ANO4: variants seen among roughly 807,000 people sequenced by gnomAD.
ANO4 encodes the protein anoctamin 4.
A neutral mutation model predicts 141.9 loss-of-function variants in ANO4; 69 were observed. The ratio of observed to expected loss-of-function variants is 0.49; its 90% CI spans 0.40 to 0.59. ANO4 has a LOEUF of 0.59. ANO4 is among the 20% of genes least tolerant of loss of function. ANO4 has a pLI of 0.00. For synonymous variants in ANO4, 350 were observed against 394.3 expected, an observed-to-expected ratio of 0.89 and a Z score of 1.33; for missense variants, 894 against 1,162.2, an observed-to-expected ratio of 0.77 and a Z score of 3.36.
At chr12:100,729,320 C>T (rs2084466213) in intron 1 of ANO4, among the ~76,000 whole-genome samples, 1 of 129,044 alleles carries the variant, frequency 7.7e-6, no homozygotes, top group Non-Finnish European at 1.6e-5. Context: ...CACAATTGCA[C>T]TCCAGCCTGG....
intron 14 of ANO4, among the ~76,000 whole-genome samples, chr12:101,056,738 T>C (rs989055096): frequency 1.3e-5 from 2 of 151,812 alleles, no homozygotes; most frequent in African/African-American, 2.4e-5. Flanking sequence ...ATGTCTGTTA[T>C]CAAGTTGAAG....
At chr12:100,964,274 C>T (rs1462993410) in intron 5 of ANO4, among the ~76,000 whole-genome samples, 2 of 152,176 alleles carry the variant, frequency 1.3e-5, no homozygotes, top group African/African-American at 4.8e-5. Context: ...CTTGAGTAAA[C>T]TTAGCCAAGG....
intron 9 of ANO4, among the ~76,000 whole-genome samples, chr12:101,030,288 C>T (rs2046922862): frequency 6.6e-6 from 1 of 152,182 alleles, no homozygotes. Flanking sequence ...TCTCAGACTA[C>T]AGTGCAATCA....
At chr12:101,060,777 A>G (rs1217882220) in intron 14 of ANO4, among the ~76,000 whole-genome samples, 2 of 152,024 alleles carry the variant, frequency 1.3e-5, no homozygotes, top group African/African-American at 4.8e-5. Context: ...ATGTCTTTGC[A>G]TGGAGATGGA....
In ANO4 at chr12:101,096,628, A is replaced by G. The variant is rs750663409; in HGVS notation, c.1831A>G (p.Ile611Val). Residue 611 changes from isoleucine to valine, a missense_variant, in exon 19 of 28, where the codon ATC becomes GTC. This residue lies in a region of ANO4 where 637 missense variants were observed against 909.2 expected (regional missense o/e 0.70). Transcript: ENST00000392977. ...CAATCTGAACAGCTCCACATTTTACATCGCATTCTTCCTCGGAAGGTAAGA... is the reference window on the plus strand; with the variant it reads ...CAATCTGAACAGCTCCACATTTTACGTCGCATTCTTCCTCGGAAGGTAAGA... ...FVNLNSSTFY[I>V]AFFLGRFTGH... is the part of the protein sequence containing the mutation. The G allele has an allele frequency of 1.1e-5, 17 of 1,613,230 alleles. No homozygotes were observed. Among genetic ancestry groups the G allele is most frequent in the Non-Finnish European group, 1.3e-5 (15 of 1,179,486 alleles).
At chr12:101,007,989 C>T (rs2045940069) in intron 8 of ANO4, among the ~76,000 whole-genome samples, 4 of 152,168 alleles carry the variant, frequency 2.6e-5, no homozygotes, top group Admixed American at 2.6e-4. Context: ...AAAAGTCTAC[C>T]TTCAAGCTGG....
At chr12:100,970,907 C>T (rs1460877670) in intron 5 of ANO4, among the ~76,000 whole-genome samples, 1 of 151,994 alleles carries the variant, frequency 6.6e-6, no homozygotes, top group South Asian at 2.1e-4. Flanking sequence ...TTAGTAGAGA[C>T]GGGGTTTCAC....
rs560248044 is a variant in ANO4 at position 100,892,661 on chromosome 12, C to T, written c.-140-8985C>T. On this transcript the variant is annotated intron_variant, in intron 1 of 27. Transcript: ENST00000392977. Reference sequence around the variant, plus strand: ...TATTTACATATTACCTATGTGCATCCTTCCATATACTTTAAATAATCTCTA... The same window carrying T: ...TATTTACATATTACCTATGTGCATCTTTCCATATACTTTAAATAATCTCTA... Among the ~76,000 whole-genome samples, 6 of 152,274 alleles carry T rather than the reference C, an allele frequency of 3.9e-5. No individual in the cohort carries two copies. The South Asian group carries it at 1.2e-3, about 32-fold the overall frequency.
At chr12:100,919,391 A>G (rs969324326) in intron 2 of ANO4, among the ~76,000 whole-genome samples, 1 of 152,020 alleles carries the variant, frequency 6.6e-6, no homozygotes, top group Admixed American at 6.6e-5. Flanking sequence ...ACCATTTTTT[A>G]TCTTTTATAC....
intron 3 of ANO4, among the ~76,000 whole-genome samples, chr12:100,757,346 C>A (rs375053355): frequency 6.6e-6 from 1 of 152,168 alleles, no homozygotes; most frequent in Non-Finnish European, 1.5e-5. Context: ...CTCTCTAAAG[C>A]GCAAATCTGG....
intron 22 of ANO4, among the ~76,000 whole-genome samples, chr12:101,107,315 G>T (rs868426507): frequency 5.9e-5 from 9 of 152,084 alleles, no homozygotes; most frequent in Non-Finnish European, 7.3e-5. Flanking sequence ...TAGTGAGTAT[G>T]TAGGAAAAAG....
intron 3 of ANO4, among the ~76,000 whole-genome samples, chr12:100,781,876 A>G (rs1329608379): frequency 6.6e-6 from 1 of 152,228 alleles, no homozygotes; most frequent in Non-Finnish European, 1.5e-5. Flanking sequence ...GCATGAGATA[A>G]TCAGTACTAC....
chr12:101,120,274 C>T (rs1021334772), intron 25 of ANO4, among the ~76,000 whole-genome samples: 4 of 152,138 alleles, frequency 2.6e-5, no homozygotes, highest in Non-Finnish European at 5.9e-5. Flanking sequence ...AGGTCTGGCT[C>T]ATCTTTTGAG....
At chr12:101,048,061 C>A in intron 13 of ANO4, 1 of 1,190,476 alleles carries the variant, frequency 8.4e-7, no homozygotes, top group South Asian at 2.7e-5. Context: ...TTGTTGTGCA[C>A]AAAAGGGGAT....
intron 3 of ANO4, among the ~76,000 whole-genome samples, chr12:100,769,653 T>G (rs147764076): frequency 6.6e-6 from 1 of 152,228 alleles, no homozygotes; most frequent in Non-Finnish European, 1.5e-5. Flanking sequence ...AATAATTAAG[T>G]CAGTTCTTTG....
At chr12:100,838,921 G>A (rs1365825004) in intron 1 of ANO4, among the ~76,000 whole-genome samples, 4 of 152,118 alleles carry the variant, frequency 2.6e-5, no homozygotes, top group Admixed American at 6.6e-5. Flanking sequence ...GAAGCAAGGA[G>A]CAAGTCCAAT....
chr12:100,769,637 C>T (rs912434487), intron 3 of ANO4, among the ~76,000 whole-genome samples: 2 of 152,086 alleles, frequency 1.3e-5, no homozygotes, highest in Non-Finnish European at 2.9e-5. Flanking sequence ...TAGATTATTC[C>T]TAGGAAATAA....
chr12:100,803,727 C>A (rs922092918), intron 1 of ANO4, among the ~76,000 whole-genome samples: 2 of 152,096 alleles, frequency 1.3e-5, no homozygotes, highest in African/African-American at 4.8e-5. Flanking sequence ...GCATCATTGT[C>A]CTCAATTATA....
intron 3 of ANO4, among the ~76,000 whole-genome samples, chr12:100,789,561 C>G (rs2033975223): frequency 6.6e-6 from 1 of 152,160 alleles, no homozygotes. Context: ...CAGAAAAGTT[C>G]TCAAAGATAA....
Sources: gnomAD v4.1 joint callset for allele counts (sites outside exome capture counted in the v4.1 genomes callset) on GRCh38, gnomAD v4.1.1 for gene constraint, gnomAD v4.1.1 regional missense constraint, MANE v1.5 for transcripts, NCBI Gene and HGNC (gene_info 2026-07-23, HGNC 2026-07-21) for gene names.